The following TBCK variants were observed in gnomAD, a reference collection of about 807,000 sequenced individuals.
The protein encoded by TBCK is TBC domain-containing protein kinase-like protein.
A neutral mutation model predicts 113.4 loss-of-function variants in TBCK; 99 were observed. That is an observed-to-expected ratio of 0.87 (90% CI 0.74 to 1.03). The LOEUF is 1.03. Ranked by LOEUF, TBCK falls within the 50% of genes least tolerant of loss-of-function variation. The pLI is 0.00. For synonymous variants in TBCK, 369 were observed against 370.8 expected, an observed-to-expected ratio of 1.00 and a Z score of 0.05; for missense variants, 1,045 against 1,061.3, an observed-to-expected ratio of 0.98 and a Z score of 0.21.
chr4:106,308,809 G>T lies in TBCK; in HGVS notation c.152C>A (p.Pro51His). 6.2e-7 allele frequency: 1 copy of T among 1,614,132 alleles called. No homozygotes were observed. Among genetic ancestry groups the T allele is most frequent in the African/African-American group, 1.3e-5 (1 of 75,022 alleles). ...RFQILKTITH[P>H]RLCQYVDISR... ...AATATCCACATACTGGCAGAGTCTG[G>T]GATGGGTGATGGTTTTAAGGATTTG... Residue 51 changes from proline to histidine, a missense_variant, in exon 2 of 26, where the codon CCC becomes CAC. Physicochemically the swap from Pro to His is moderately conservative, Grantham distance 77 (BLOSUM62 -2). Coordinates refer to ENST00000394708, the MANE Select transcript of TBCK (RefSeq NM_001163435.3).
intron 23 of TBCK, among the ~76,000 whole-genome samples, chr4:106,165,852 T>C (rs562753862): frequency 6.6e-6 from 1 of 151,854 alleles, no homozygotes; most frequent in South Asian, 2.1e-4. Flanking sequence ...GCTTGAAATT[T>C]GAAACCAAGT....
chr4:106,196,285 A>T (rs1754228182), intron 20 of TBCK, among the ~76,000 whole-genome samples: 1 of 151,906 alleles, frequency 6.6e-6, no homozygotes, highest in Non-Finnish European at 1.5e-5. Flanking sequence ...CTTAATTTAT[A>T]AAAGTAGAGT....
At chr4:106,158,781 C>T (rs1385401509) in intron 23 of TBCK, among the ~76,000 whole-genome samples, 3 of 152,102 alleles carry the variant, frequency 2.0e-5, no homozygotes, top group African/African-American at 7.2e-5. Context: ...TGGAATACTT[C>T]CTAACTCATT....
intron 25 of TBCK, 50 bp downstream of exon 25, chr4:106,095,428 AAGGC>A: frequency 6.7e-7 from 1 of 1,500,166 alleles, no homozygotes; most frequent in Non-Finnish European, 9.1e-7. Context: ...CTTCATATAG[AAGGC>A]AGGTAAATCA....
In TBCK at chr4:106,062,161, T is replaced by C. The variant is rs576547674; in HGVS notation, c.2572-15481A>G. On this transcript the variant is annotated intron_variant, in intron 25 of 25. Coordinates refer to ENST00000394708, the MANE Select transcript of TBCK (RefSeq NM_001163435.3). ...CAATTAGGATCTTCCTATAGATTTA[T>C]AGATTAGTGATTAATAATAGTTTCT... is the stretch of plus-strand genomic sequence containing the variant. Among the ~76,000 whole-genome samples, 8 of 152,034 alleles carry C rather than the reference T, an allele frequency of 5.3e-5. No homozygotes were observed. The South Asian group carries it at 1.0e-3, about 20-fold the overall frequency.
At chr4:106,243,318 C>T (rs971893678) in intron 11 of TBCK, among the ~76,000 whole-genome samples, 1 of 151,756 alleles carries the variant, frequency 6.6e-6, no homozygotes, top group Non-Finnish European at 1.5e-5. Context: ...AAACTTTATA[C>T]GTGTAGAAAA....
chr4:106,159,952 G>C (rs1749565572), intron 23 of TBCK, among the ~76,000 whole-genome samples: 1 of 151,940 alleles, frequency 6.6e-6, no homozygotes, highest in African/African-American at 2.4e-5. Flanking sequence ...CAACAGACTA[G>C]AGCTAGAAAT....
At chr4:106,100,183 T>G (rs955033686) in intron 24 of TBCK, among the ~76,000 whole-genome samples, 3 of 152,244 alleles carry the variant, frequency 2.0e-5, no homozygotes, top group Non-Finnish European at 4.4e-5. Flanking sequence ...GAAAATGACT[T>G]CTATCTAAAC....
intron 8 of TBCK, 57 bp downstream of exon 8, chr4:106,248,864 T>C: frequency 1.5e-6 from 2 of 1,358,206 alleles, no homozygotes; most frequent in Non-Finnish European, 1.0e-6. Context: ...AGTTACCCAA[T>C]ATCAGGTATT....
chr4:106,090,201 A>G (rs1023213843), intron 25 of TBCK, among the ~76,000 whole-genome samples: 6 of 152,216 alleles, frequency 3.9e-5, no homozygotes, highest in Non-Finnish European at 8.8e-5. Flanking sequence ...CAGGCTGAAC[A>G]TCACATGAAA....
chr4:106,293,275 A>C (rs1765913986), intron 3 of TBCK, among the ~76,000 whole-genome samples: 1 of 152,144 alleles, frequency 6.6e-6, no homozygotes, highest in Non-Finnish European at 1.5e-5. Flanking sequence ...ATCTTTGTGA[A>C]GCAGGGTTTT....
intron 23 of TBCK, among the ~76,000 whole-genome samples, chr4:106,125,463 T>A (rs1332553223): frequency 6.6e-6 from 1 of 152,132 alleles, no homozygotes; most frequent in African/African-American, 2.4e-5. Flanking sequence ...ATTGTGCCAC[T>A]GCACTCCAGC....
At position 106,053,749 on chromosome 4, in the gene TBCK, A is replaced by G. The variant is rs574307272; in HGVS notation, c.2572-7069T>C. On this transcript the variant is annotated intron_variant, in intron 25 of 25. Coordinates refer to ENST00000394708, the MANE Select transcript of TBCK (RefSeq NM_001163435.3). ...AGGCTTCACAAACTTAACAGTTTCAAAGGGGAACACTTGATTCCTACCCTC... is the reference window on the plus strand; with the variant it reads ...AGGCTTCACAAACTTAACAGTTTCAGAGGGGAACACTTGATTCCTACCCTC... Among the ~76,000 whole-genome samples the G allele has an allele frequency of 3.0e-4, 46 of 151,784 alleles. No individual in the cohort carries two copies. In the South Asian group the frequency reaches 8.9e-3, roughly 29 times the overall value.
At chr4:106,202,384 T>A (rs1754989075) in intron 20 of TBCK, among the ~76,000 whole-genome samples, 1 of 151,998 alleles carries the variant, frequency 6.6e-6, no homozygotes, top group Non-Finnish European at 1.5e-5. Flanking sequence ...AAATAAATCA[T>A]CACTATTATG....
At position 106,044,216 on chromosome 4, in the gene TBCK, T is replaced by C. The variant is rs1457388958; in HGVS notation, c.*2354A>G. Reference sequence around the variant, plus strand: ...GCCCCTCCATCCCTCTCTTCTCTGCTTTCTCAGTAAGGCAGAGTTAAGACT... The same window carrying C: ...GCCCCTCCATCCCTCTCTTCTCTGCCTTCTCAGTAAGGCAGAGTTAAGACT... On this transcript the variant is annotated 3_prime_UTR_variant, in exon 26 of 26. Transcript: ENST00000394708. 1 of 152,164 alleles carries C rather than the reference T, an allele frequency of 6.6e-6. No homozygotes were observed. The highest frequency in any genetic ancestry group is 1.5e-5 in the Non-Finnish European group (1 of 68,040). 9.4% of individuals were successfully genotyped at this position (152,164 alleles called of 1,614,324 possible).
At chr4:106,135,279 T>C (rs779191026) in intron 23 of TBCK, among the ~76,000 whole-genome samples, 24 of 151,736 alleles carry the variant, frequency 1.6e-4, no homozygotes, top group Non-Finnish European at 2.5e-4. Context: ...TACTTACTCA[T>C]TTAAGTCTTA....
intron 11 of TBCK, among the ~76,000 whole-genome samples, chr4:106,243,688 T>A (rs540014756): frequency 2.3e-4 from 35 of 152,252 alleles, no homozygotes; most frequent in African/African-American, 6.5e-4. Context: ...ATCTAAAAAT[T>A]AAAATTTTAT....
chr4:106,255,099 A>C (rs1169157914), intron 5 of TBCK: 1 of 267,238 alleles, frequency 3.7e-6, no homozygotes, highest in Admixed American at 4.8e-5. Flanking sequence ...GTAGAGAACT[A>C]ACATCTTTAC....
intron 3 of TBCK, among the ~76,000 whole-genome samples, chr4:106,266,228 AG>A (rs1762979191): frequency 6.6e-6 from 1 of 151,544 alleles, no homozygotes; most frequent in Non-Finnish European, 1.5e-5. Context: ...TTAAAAAAAA[AG>A]AGAAACATTC....
Sources: gnomAD v4.1 joint callset for allele counts (sites outside exome capture counted in the v4.1 genomes callset) on GRCh38, gnomAD v4.1.1 for gene constraint, MANE v1.5 for transcripts, NCBI Gene and HGNC (gene_info 2026-07-23, HGNC 2026-07-21) for gene names.